The following N4BP2 variants were observed in gnomAD, a reference collection of about 807,000 sequenced individuals.
N4BP2 encodes the protein NEDD4-binding protein 2.
A neutral mutation model predicts 152.8 loss-of-function variants in N4BP2; 91 were observed. The observed-to-expected ratio is 0.60, with a 90% CI of 0.50 to 0.71. The LOEUF is 0.71. Among genes scored for constraint, N4BP2 ranks in the 30% least tolerant of loss-of-function variants. The pLI, the probability that N4BP2 is intolerant of heterozygous loss-of-function variation, is 0.00. For missense variants in N4BP2, 1,923 were observed against 2,059.1 expected, an observed-to-expected ratio of 0.93 and a Z score of 1.28; for synonymous variants, 646 against 705.3, an observed-to-expected ratio of 0.92 and a Z score of 1.33.
rs1715749458 is a variant in N4BP2, at chr4:40,102,319, T to C, written c.474T>C (p.Asp158=). ...TTGAGAAATTGAACTCTTCTCCTGA[T>C]GACCAAGTATACTCATTTTTGCCTT... The part of the protein sequence containing the change: ...NAFEKLNSSP[D]DQVYSFLPSQ... The change falls in exon 4 of 18, where the codon GAT becomes GAC. Residue 158 remains aspartate, a synonymous_variant. Transcript: ENST00000261435. 1 of 1,613,332 alleles carries C rather than the reference T, an allele frequency of 6.2e-7. No homozygotes were observed. Among genetic ancestry groups the C allele is most frequent in the African/African-American group, 1.3e-5 (1 of 74,872 alleles).
chr4:40,144,516 T>C, intron 15 of N4BP2, 116 bp from the exon 16 acceptor site: 2 of 809,324 alleles, frequency 2.5e-6, no homozygotes, highest in Non-Finnish European at 3.8e-6. Context: ...TTATTTAAGA[T>C]TTTAGGTTTA....
chr4:40,140,364 C>T (rs531858551), intron 14 of N4BP2, among the ~76,000 whole-genome samples: 2 of 152,176 alleles, frequency 1.3e-5, no homozygotes, highest in East Asian at 3.9e-4. Context: ...ATTATGAGAC[C>T]TTATGGGCCA....
intron 2 of N4BP2, among the ~76,000 whole-genome samples, chr4:40,084,048 C>T (rs368279259): frequency 5.9e-5 from 9 of 152,314 alleles, no homozygotes; most frequent in East Asian, 1.9e-4. Flanking sequence ...CAACCTCCCC[C>T]TCCTGGGTTC....
At chr4:40,172,828 T>G in the N4BP2 span, among the ~76,000 whole-genome samples, 47 of 152,356 alleles carry the variant, frequency 3.1e-4, no homozygotes, top group South Asian at 7.9e-3. Flanking sequence ...CAATGTGTTT[T>G]ATAATATCTT....
intron 16 of N4BP2, among the ~76,000 whole-genome samples, chr4:40,149,625 TG>T (rs1720951853): frequency 6.6e-6 from 1 of 152,202 alleles, no homozygotes; most frequent in South Asian, 2.1e-4. Flanking sequence ...CCAGGCTCAG[TG>T]GCTCATGCCT....
chr4:40,061,830 A>G (rs1017973387), intron 1 of N4BP2, among the ~76,000 whole-genome samples: 5 of 150,972 alleles, frequency 3.3e-5, no homozygotes, highest in African/African-American at 1.2e-4. Context: ...ACGCTTGGCT[A>G]ATTTTAGTAT....
At chr4:40,086,979 A>T (rs1178172730) in intron 2 of N4BP2, among the ~76,000 whole-genome samples, 2 of 151,678 alleles carry the variant, frequency 1.3e-5, no homozygotes, top group Non-Finnish European at 2.9e-5. Context: ...GAACTCCTGG[A>T]CTCAGGTGAT....
chr4:40,077,300 A>G (rs1712847845), intron 2 of N4BP2, among the ~76,000 whole-genome samples: 1 of 151,450 alleles, frequency 6.6e-6, no homozygotes, highest in South Asian at 2.1e-4. Flanking sequence ...GGTGTGTACC[A>G]CCATGCCTGG....
At chr4:40,183,538 A>G in the N4BP2 span, among the ~76,000 whole-genome samples, 4 of 152,040 alleles carry the variant, frequency 2.6e-5, no homozygotes, top group South Asian at 2.1e-4. Flanking sequence ...GGGTTTCACC[A>G]TGTTAGCCAG....
At chr4:40,072,075 A>AT (rs1186172909) in intron 1 of N4BP2, among the ~76,000 whole-genome samples, 37 of 138,636 alleles carry the variant, frequency 2.7e-4, no homozygotes, top group Admixed American at 1.2e-3. Flanking sequence ...TGCCTGGCTA[A>AT]TTTTTTTTTT....
chr4:40,082,047 G>A (rs529367327), intron 2 of N4BP2, among the ~76,000 whole-genome samples: 56 of 152,296 alleles, frequency 3.7e-4, no homozygotes, highest in Non-Finnish European at 6.3e-4. Flanking sequence ...GGGAGGCAGA[G>A]GTTGCAGTGA....
intron 15 of N4BP2, 31 bp downstream of exon 15, chr4:40,142,892 G>A (rs1409626714): frequency 6.3e-7 from 1 of 1,589,120 alleles, no homozygotes; most frequent in African/African-American, 1.3e-5. Flanking sequence ...TATATTTTTT[G>A]TCAGTTATAA....
intron 1 of N4BP2, among the ~76,000 whole-genome samples, chr4:40,062,958 T>G (rs527711599): frequency 2.6e-5 from 4 of 152,306 alleles, no homozygotes; most frequent in Admixed American, 2.6e-4. Context: ...TAGCGGTAAA[T>G]GGACTGTCTT....
At chr4:40,103,271 A>G in intron 4 of N4BP2, 53 bp downstream of exon 4, 1 of 1,467,010 alleles carries the variant, frequency 6.8e-7, no homozygotes, top group Non-Finnish European at 9.2e-7. Context: ...GAATTTGAAC[A>G]CAAGTATGAA....
chr4:40,189,148 C>CACAAAACAAAACAAA, the N4BP2 span, among the ~76,000 whole-genome samples: 6,323 of 149,168 alleles, frequency 0.042, 162 homozygotes, highest in East Asian at 0.076. The surrounding 1 kb of genome is among the most constrained non-coding windows in gnomAD (Gnocchi z 4.3). Context: ...CTGTCTCAAA[C>CACAAAACAAAACAAA]ACAAAACAAA....
chr4:40,140,582 T>TC (rs1323551566), intron 14 of N4BP2, among the ~76,000 whole-genome samples: 10 of 128,802 alleles, frequency 7.8e-5, no homozygotes, highest in Non-Finnish European at 1.6e-4. Context: ...ACTTATTCTC[T>TC]TTTTTTTTAA....
chr4:40,068,835 C>T (rs1711822081), intron 1 of N4BP2, among the ~76,000 whole-genome samples: 1 of 152,134 alleles, frequency 6.6e-6, no homozygotes, highest in Non-Finnish European at 1.5e-5. Flanking sequence ...AAAAAATTCC[C>T]AGGCTGGGCA....
In N4BP2 at chr4:40,113,581, C is replaced by G. The variant is rs140252040; in HGVS notation, c.1664+73C>G. 3.9e-6 allele frequency: 4 copies of G among 1,015,504 alleles called. No individual in the cohort carries two copies. The African/African-American group carries it at 4.8e-5, about 12-fold the overall frequency. 62.9% of individuals were successfully genotyped at this position (1,015,504 alleles called of 1,614,324 possible). On this transcript the variant is annotated intron_variant, in intron 7 of 17. Transcript: ENST00000261435. ...GACAAGGTCCGTTTAGATTTTTCCC[C>G]TTGTAAATGATGAATGAATTGATTA...
intron 2 of N4BP2, among the ~76,000 whole-genome samples, chr4:40,092,948 C>CTT (rs892669234): frequency 8.6e-5 from 12 of 139,732 alleles, no homozygotes; most frequent in African/African-American, 2.4e-4. Context: ...CCGGCCTGCT[C>CTT]TTTTTTTTTT....
Sources: allele counts gnomAD v4.1 joint callset (sites outside exome capture counted in the v4.1 genomes callset), GRCh38; gene constraint gnomAD v4.1.1; non-coding constraint Gnocchi (gnomAD v3.1); transcripts MANE v1.5; gene names NCBI Gene and HGNC (gene_info 2026-07-23, HGNC 2026-07-21).